Variants in NUP88 observed in about 807,000 individuals in gnomAD.
NUP88 encodes nuclear pore complex protein Nup88.
NUP88 carries 57 observed loss-of-function variants against 93.9 expected under a neutral mutation model. That is an observed-to-expected ratio of 0.61 (90% CI 0.49 to 0.76). NUP88 has a LOEUF of 0.76. NUP88 is among the 30% of genes least tolerant of loss of function. The pLI, the probability that NUP88 is intolerant of heterozygous loss-of-function variation, is 0.00. For missense variants in NUP88, 911 were observed against 901.0 expected, an observed-to-expected ratio of 1.01 and a Z score of -0.14; for synonymous variants, 346 against 336.8, an observed-to-expected ratio of 1.03 and a Z score of -0.30.
chr17:5,407,340 G>A (rs1331805443), intron 5 of NUP88, among the ~76,000 whole-genome samples: 2 of 152,116 alleles, frequency 1.3e-5, no homozygotes, highest in Non-Finnish European at 2.9e-5. Flanking sequence ...TGAAGAACCC[G>A]GTGATGCCCT....
intron 7 of NUP88, among the ~76,000 whole-genome samples, chr17:5,400,284 G>A (rs1419597033): frequency 6.6e-6 from 1 of 151,884 alleles, no homozygotes; most frequent in African/African-American, 2.4e-5. Flanking sequence ...GGATCACAAG[G>A]TCAGGAGTTC....
At position 5,397,321 on chromosome 17, in the gene NUP88, C is replaced by T. The variant is rs539368612; in HGVS notation, c.1291+2231G>A. Among the ~76,000 whole-genome samples, 5 of 151,924 alleles carry T rather than the reference C, an allele frequency of 3.3e-5. No homozygotes were observed. The South Asian group carries it at 1.1e-3, about 32-fold the overall frequency. On this transcript the variant is annotated intron_variant, in intron 8 of 16. Transcript: ENST00000573584. ...CACCACTGCACTCCCACCCAGACAA[C>T]AGAGTGAGACCCTCTGTCTCTTAAA...
At chr17:5,414,158 CA>C (rs759449405) in intron 2 of NUP88, 24 bp from the exon 3 acceptor site, 2 of 1,604,318 alleles carry the variant, frequency 1.2e-6, no homozygotes, top group African/African-American at 1.3e-5. Flanking sequence ...AATAATTTTC[CA>C]AAACATTTTG....
At chr17:5,393,853 T>C (rs1912602733) in intron 9 of NUP88, among the ~76,000 whole-genome samples, 1 of 152,234 alleles carries the variant, frequency 6.6e-6, no homozygotes, top group Non-Finnish European at 1.5e-5. Flanking sequence ...TAGTGTATGC[T>C]ATTTGTCTCA....
intron 7 of NUP88, among the ~76,000 whole-genome samples, chr17:5,400,493 C>CAAAAAAA (rs1187634728): frequency 2.2e-5 from 1 of 44,774 alleles, no homozygotes; most frequent in Non-Finnish European, 4.7e-5. Context: ...AACTCCGTCT[C>CAAAAAAA]AAAAAAAAAA....
intron 1 of NUP88, chr17:5,418,099 G>GCGCCAT: frequency 6.7e-6 from 1 of 149,678 alleles, no homozygotes; most frequent in African/African-American, 2.5e-5. Context: ...AGCCGAGATG[G>GCGCCAT]CGCCATTGCA....
rs372840940 is a variant in NUP88 at position 5,387,627 on chromosome 17, G to C, written c.1813C>G (p.Leu605Val). ...TACCTCTCTTCTCGACAATAACTGA[G>C]ATCTTCTAGTTGTTTCTTTTTTTGG... ...CDQKKKQLED[L>V]SYCREERKSL... is the part of the protein sequence containing the mutation. The change falls in exon 13 of 17, where the codon CTC (leucine) becomes GTC (valine). Residue 605 changes from leucine to valine, a missense_variant. Physicochemically the swap from Leu to Val is conservative, Grantham distance 32. Coordinates refer to ENST00000573584, the MANE Select transcript of NUP88 (RefSeq NM_002532.6). 56 of 1,613,026 alleles carry C rather than the reference G, an allele frequency of 3.5e-5. No individual in the cohort carries two copies. The highest frequency in any genetic ancestry group is 4.7e-5 in the Non-Finnish European group (56 of 1,179,448).
At chr17:5,396,766 A>AT (rs965642418) in intron 8 of NUP88, among the ~76,000 whole-genome samples, 3 of 151,970 alleles carry the variant, frequency 2.0e-5, no homozygotes, top group South Asian at 2.1e-4. Flanking sequence ...AAAAGTCCCC[A>AT]TTTTTTCCCA....
chr17:5,412,139 T>C (rs895123977), intron 3 of NUP88, among the ~76,000 whole-genome samples: 1 of 152,210 alleles, frequency 6.6e-6, no homozygotes. Context: ...AGATACTTCC[T>C]TTGGGGCTTA....
chr17:5,385,343 C>T lies in NUP88; in HGVS notation c.*863G>A, dbSNP rs967068093. On this transcript the variant is annotated 3_prime_UTR_variant, in exon 17 of 17. Coordinates refer to ENST00000573584, the MANE Select transcript of NUP88 (RefSeq NM_002532.6). ...GCTCAGTTGGGTTTCACGAGTGTTC[C>T]TGTGCTTATATTCAGTCTGTGCCTA... 8.7e-6 allele frequency: 2 copies of T among 230,746 alleles called. No individual in the cohort carries two copies. Among genetic ancestry groups the T allele is most frequent in the African/African-American group, 4.4e-5 (2 of 45,212 alleles). The allele number at this position is 230,746 out of a possible 1,614,324, so 14.3% of individuals were successfully genotyped here. A position where few individuals can be genotyped will look rare whatever the true frequency, so the allele number is the denominator to read the frequency against.
rs1434825364 is a variant in NUP88, at chr17:5,408,729, T to C, written c.857+4A>G. On this transcript the variant is annotated splice_donor_region_variant and intron_variant, in intron 5 of 16. Coordinates refer to ENST00000573584, the MANE Select transcript of NUP88 (RefSeq NM_002532.6). The stretch of plus-strand genomic sequence containing the variant: ...ATTTCAGGTGGGTGACCACCTCAAC[T>C]TACCTGTGTAACAGACTGATGTATG... 8 of 1,586,698 alleles carry C rather than the reference T, an allele frequency of 5.0e-6. No individual in the cohort carries two copies. Among genetic ancestry groups the C allele is most frequent in the East Asian group, 4.6e-5 (2 of 43,226 alleles).
At chr17:5,418,040 G>C (rs1321023221) in intron 1 of NUP88, 2 of 149,600 alleles carry the variant, frequency 1.3e-5, no homozygotes, top group Non-Finnish European at 3.0e-5. Context: ...CTCGCGGGGG[G>C]GGCTGAGGCA....
intron 3 of NUP88, among the ~76,000 whole-genome samples, chr17:5,411,353 CAGG>C (rs1913830047): frequency 6.6e-6 from 1 of 152,076 alleles, no homozygotes; most frequent in Non-Finnish European, 1.5e-5. Context: ...CACTTGAGGT[CAGG>C]AGTTCGTGAC....
In NUP88 at chr17:5,403,306, G is replaced by A. The variant is rs1318577624; in HGVS notation, c.1192+793C>T. 3.3e-5 allele frequency among the ~76,000 whole-genome samples: 5 copies of A among 151,832 alleles called. No individual in the cohort carries two copies. In the East Asian group the frequency reaches 5.8e-4, roughly 18 times the overall value. On this transcript the variant is annotated intron_variant, in intron 7 of 16. Transcript: ENST00000573584. Reference sequence around the variant, plus strand: ...GCCTGGCCAATATGGTGAGACCCCCGTCTCTACTAAAAATACAAAAATTAG... The same window carrying A: ...GCCTGGCCAATATGGTGAGACCCCCATCTCTACTAAAAATACAAAAATTAG...
chr17:5,405,333 C>T, intron 5 of NUP88, 90 bp from the exon 6 acceptor site: 1 of 1,026,058 alleles, frequency 9.7e-7, no homozygotes, highest in Non-Finnish European at 1.4e-6. Context: ...TTTCCTCCAG[C>T]TATCATACCT....
rs560813573 is a variant in NUP88 at position 5,419,347 on chromosome 17, G to A, written c.297+7C>T. The A allele has an allele frequency of 1.9e-6, 3 of 1,557,260 alleles. No homozygotes were observed. Among genetic ancestry groups the A allele is most frequent in the East Asian group, 2.3e-5 (1 of 44,014 alleles). On this transcript the variant is annotated splice_region_variant and intron_variant, in intron 1 of 16. Transcript: ENST00000573584. ...GAGGGTCACTTCCAAGATCGGCCTG[G>A]CATTACCTGGTACTGGGACAGGGCG... is the stretch of plus-strand genomic sequence containing the variant.
intron 3 of NUP88, 99 bp downstream of exon 3, chr17:5,413,910 A>G (rs1445614871): frequency 9.9e-6 from 13 of 1,313,934 alleles, no homozygotes; most frequent in Non-Finnish European, 1.2e-5. Context: ...GCACTGACTC[A>G]TTCAATGACT....
intron 7 of NUP88, among the ~76,000 whole-genome samples, chr17:5,401,810 C>A (rs929241123): frequency 4.6e-5 from 7 of 152,148 alleles, no homozygotes; most frequent in Non-Finnish European, 8.8e-5. Flanking sequence ...AGTCTTAACA[C>A]TGGGGTGTAA....
chr17:5,394,422 C>T (rs55747983), intron 9 of NUP88, among the ~76,000 whole-genome samples: 66,427 of 151,992 alleles, frequency 0.44, 15,280 homozygotes, highest in East Asian at 0.84. Context: ...CAAATAAACA[C>T]AGCAATGCAG....
Sources: allele counts gnomAD v4.1 joint callset (sites outside exome capture counted in the v4.1 genomes callset), GRCh38; gene constraint gnomAD v4.1.1; transcripts MANE v1.5; gene names NCBI Gene and HGNC (gene_info 2026-07-23, HGNC 2026-07-21).